The following TRAF3IP1 variants were observed in gnomAD, a reference collection of about 807,000 sequenced individuals.
TRAF3IP1 encodes intraflagellar transport 54.
TRAF3IP1 carries 53 observed loss-of-function variants against 89.9 expected under a neutral mutation model. The observed-to-expected ratio is 0.59, with a 90% CI of 0.47 to 0.74. TRAF3IP1 has a LOEUF of 0.74. TRAF3IP1 is among the 30% of genes least tolerant of loss of function. TRAF3IP1 has a pLI of 0.00. For synonymous variants in TRAF3IP1, 311 were observed against 322.1 expected (o/e 0.97, Z 0.37); for missense variants, 806 against 866.1 (o/e 0.93, Z 0.87).
At chr2:238,365,964 G>T (rs1316552323) in intron 15 of TRAF3IP1, among the ~76,000 whole-genome samples, 1 of 152,080 alleles carries the variant, frequency 6.6e-6, no homozygotes, top group South Asian at 2.1e-4. Flanking sequence ...ATCAGACACC[G>T]GCTGGGCGCA....
intron 15 of TRAF3IP1, among the ~76,000 whole-genome samples, chr2:238,365,400 G>A (rs1012852934): frequency 1.3e-5 from 2 of 152,150 alleles, no homozygotes; most frequent in African/African-American, 2.4e-5. Flanking sequence ...GGTGGCCAAC[G>A]TTTGTAATCC....
chr2:238,347,496 C>T, intron 10 of TRAF3IP1, 21 bp downstream of exon 10: 1 of 1,613,506 alleles, frequency 6.2e-7, no homozygotes, highest in South Asian at 1.1e-5. Flanking sequence ...GCCTTAGATA[C>T]CTGTGTGTCA....
At chr2:238,323,253 A>G (rs958623417) in intron 1 of TRAF3IP1, among the ~76,000 whole-genome samples, 2 of 152,030 alleles carry the variant, frequency 1.3e-5, no homozygotes, top group African/African-American at 2.4e-5. Flanking sequence ...TAATTTTTCT[A>G]TTTTTAGTAG....
rs751495189 is a variant in TRAF3IP1, at chr2:238,397,548, G to A, written c.1779G>A (p.Leu593=). 3.1e-6 allele frequency: 5 copies of A among 1,613,072 alleles called. No individual in the cohort carries two copies. Among genetic ancestry groups the A allele is most frequent in the Non-Finnish European group, 4.2e-6 (5 of 1,179,956 alleles). The change falls in exon 16 of 17, where the codon CTG becomes CTA. Residue 593 remains leucine (L), a synonymous_variant. Transcript: ENST00000373327. ...AGCTCCGCACGTCCATCCAGACCCT[G>A]TGCAAGAGCGCACTTCCCCTGGGGA... The part of the protein sequence containing the change: ...IEKLRTSIQT[L]CKSALPLGKI...
At chr2:238,338,918 C>G (rs1698507274) in intron 8 of TRAF3IP1, among the ~76,000 whole-genome samples, 1 of 152,164 alleles carries the variant, frequency 6.6e-6, no homozygotes, top group Non-Finnish European at 1.5e-5. Context: ...GTGGGTGTGC[C>G]CAGCCCTCGT....
At chr2:238,370,312 T>C (rs1490732319) in intron 15 of TRAF3IP1, among the ~76,000 whole-genome samples, 1 of 152,092 alleles carries the variant, frequency 6.6e-6, no homozygotes, top group Non-Finnish European at 1.5e-5. Flanking sequence ...TGTTTATGTC[T>C]GTATTGTGCA....
chr2:238,398,842 G>T lies in TRAF3IP1; in HGVS notation c.1999G>T (p.Val667Leu), dbSNP rs560714219. ...AGACCAGCAAGACAAGATCTGTGCT[G>T]TGAAGGCCAACATCCTCAAGAATGA... The part of the protein sequence containing the change: ...IKDQQDKICA[V>L]KANILKNEEK... Residue 667 changes from valine (V) to leucine (L), a missense_variant, in exon 17 of 17, where the codon GTG becomes TTG. Val to Leu is a conservative substitution (Grantham distance 32, BLOSUM62 1). Around this residue, in one of 3 missense-constraint regions of TRAF3IP1, gnomAD observed 70 missense variants for 67.8 expected, o/e 1.03. Coordinates refer to ENST00000373327, the MANE Select transcript of TRAF3IP1 (RefSeq NM_015650.4). 7 of 1,613,634 alleles carry T rather than the reference G, an allele frequency of 4.3e-6. No homozygotes were observed. The East Asian group carries it at 1.6e-4, about 36-fold the overall frequency.
intron 15 of TRAF3IP1, among the ~76,000 whole-genome samples, chr2:238,366,615 C>G (rs1012778045): frequency 5.3e-5 from 8 of 152,064 alleles, no homozygotes; most frequent in Admixed American, 3.9e-4. Context: ...GAAAATGTCA[C>G]TGAAATTCAT....
At position 238,362,663 on chromosome 2, in the gene TRAF3IP1, G is replaced by A. The variant is rs549799234; in HGVS notation, c.1689+6583G>A. Among the ~76,000 whole-genome samples the A allele has an allele frequency of 7.9e-5, 12 of 152,350 alleles. No homozygotes were observed. In the East Asian group the frequency reaches 2.1e-3, roughly 27 times the overall value. On this transcript the variant is annotated intron_variant, in intron 15 of 16. Transcript: ENST00000373327. ...ATGTTGGCTAGAACTTAGTCACAAA[G>A]GAGACCATGAAGTGAAATCTCTATT...
intron 15 of TRAF3IP1, among the ~76,000 whole-genome samples, chr2:238,382,762 C>T (rs1700600129): frequency 6.6e-6 from 1 of 151,840 alleles, no homozygotes; most frequent in Non-Finnish European, 1.5e-5. Context: ...CCCCTCCCTC[C>T]CTGCCCCTCC....
intron 14 of TRAF3IP1, among the ~76,000 whole-genome samples, chr2:238,355,249 T>C (rs567079925): frequency 2.0e-5 from 3 of 152,256 alleles, no homozygotes; most frequent in African/African-American, 7.2e-5. Context: ...CTGTCTCCTC[T>C]ACCCTCTACT....
At chr2:238,358,310 G>A (rs4663306) in intron 15 of TRAF3IP1, among the ~76,000 whole-genome samples, 41,602 of 151,938 alleles carry the variant, frequency 0.27, 5,793 homozygotes, top group African/African-American at 0.29. Flanking sequence ...GCCAAGGTGG[G>A]CGGATTGCTT....
intron 15 of TRAF3IP1, among the ~76,000 whole-genome samples, chr2:238,358,177 C>G (rs1484367516): frequency 2.0e-5 from 3 of 150,630 alleles, no homozygotes; most frequent in Admixed American, 6.6e-5. Context: ...GTGGCGCGAT[C>G]TCGGCTCACT....
chr2:238,327,963 C>A (rs756565230), intron 3 of TRAF3IP1, among the ~76,000 whole-genome samples: 91 of 152,234 alleles, frequency 6.0e-4, no homozygotes, highest in Middle Eastern at 6.8e-3. Flanking sequence ...AATGGATATA[C>A]CATATTTTGT....
At chr2:238,339,592 T>A (rs1262942225) in intron 8 of TRAF3IP1, among the ~76,000 whole-genome samples, 1 of 152,186 alleles carries the variant, frequency 6.6e-6, no homozygotes, top group Non-Finnish European at 1.5e-5. Flanking sequence ...CAGGGATGAC[T>A]CCCCACTTCC....
intron 15 of TRAF3IP1, among the ~76,000 whole-genome samples, chr2:238,396,802 A>G (rs1240000634): frequency 1.3e-5 from 2 of 151,922 alleles, no homozygotes; most frequent in Non-Finnish European, 2.9e-5. Context: ...CTGGCCCCTG[A>G]CCCCTGGACT....
At chr2:238,330,604 T>C (rs1391041559) in intron 5 of TRAF3IP1, among the ~76,000 whole-genome samples, 1 of 152,196 alleles carries the variant, frequency 6.6e-6, no homozygotes, top group African/African-American at 2.4e-5. Context: ...CCATCTTGTC[T>C]TGTGGCACTG....
At chr2:238,376,076 A>G (rs1411371016) in intron 15 of TRAF3IP1, among the ~76,000 whole-genome samples, 1 of 152,244 alleles carries the variant, frequency 6.6e-6, no homozygotes, top group Non-Finnish European at 1.5e-5. Context: ...AAATATTTTC[A>G]GCCATGAGAA....
chr2:238,357,012 T>C (rs1699444889), intron 15 of TRAF3IP1, among the ~76,000 whole-genome samples: 1 of 152,174 alleles, frequency 6.6e-6, no homozygotes, highest in Admixed American at 6.5e-5. Context: ...TCTCCTGACC[T>C]CGTGATCCAC....
Sources: gnomAD v4.1 joint callset for allele counts (sites outside exome capture counted in the v4.1 genomes callset) on GRCh38, gnomAD v4.1.1 for gene constraint, gnomAD v4.1.1 regional missense constraint, MANE v1.5 for transcripts, NCBI Gene and HGNC (gene_info 2026-07-23, HGNC 2026-07-21) for gene names.